Variants in MACF1 observed in about 807,000 individuals in gnomAD.
MACF1 encodes the protein microtubule actin crosslinking factor 1.
MACF1 carries 193 observed loss-of-function variants against 854.8 expected under a neutral mutation model. That is an observed-to-expected ratio of 0.23 (90% CI 0.20 to 0.25). The LOEUF is 0.25. Ranked by LOEUF, MACF1 falls within the 10% of genes least tolerant of loss-of-function variation. The probability of loss-of-function intolerance (pLI) is 1.00; values close to 1 mark genes in which losing one functional copy is unlikely to be tolerated. For synonymous variants in MACF1, 3,185 were observed against 3,226.7 expected, an observed-to-expected ratio of 0.99 and a Z score of 0.44; for missense variants, 7,722 against 8,929.1, an observed-to-expected ratio of 0.86 and a Z score of 5.45.
chr1:39,299,982 A>C (rs1646006445), intron 21 of MACF1, among the ~76,000 whole-genome samples: 1 of 152,230 alleles, frequency 6.6e-6, no homozygotes, highest in East Asian at 1.9e-4. Flanking sequence ...AAAGTGGCAC[A>C]GGGAGAAAGC....
At chr1:39,368,335 G>C (rs201154093) in intron 50 of MACF1, 21 bp downstream of exon 50, 436 of 1,604,338 alleles carry the variant, frequency 2.7e-4, no homozygotes, top group Non-Finnish European at 3.6e-4. Flanking sequence ...ACTTGTGTTG[G>C]TCAGCATTGG....
In MACF1 at chr1:39,337,214, T is replaced by C; in HGVS notation, c.10098T>C (p.His3366=). Residue 3366 remains histidine (H), a synonymous_variant, in exon 38 of 101, where the codon CAT becomes CAC. Transcript: ENST00000564288. ...TTACCCGGCAACTCTGTTTAGAACA[T>C]GATGAAAAGCTAGTATCCTATCTGT... The part of the protein sequence containing the change: ...NVFTRQLCLE[H]DEKLVSYLSL... 1 of 1,613,884 alleles carries C rather than the reference T, an allele frequency of 6.2e-7. No individual in the cohort carries two copies.
intron 49 of MACF1, among the ~76,000 whole-genome samples, chr1:39,362,468 C>T (rs940680996): frequency 1.3e-5 from 2 of 152,270 alleles, no homozygotes; most frequent in African/African-American, 4.8e-5. Context: ...TCACCAGTTG[C>T]TAATTGTTTT....
At chr1:39,353,498 T>A (rs958057033) in intron 44 of MACF1, among the ~76,000 whole-genome samples, 1 of 152,208 alleles carries the variant, frequency 6.6e-6, no homozygotes, top group African/African-American at 2.4e-5. Context: ...CTAGGCCCTC[T>A]TTTTATCTTT....
At chr1:39,379,482 G>A (rs764413954) in intron 54 of MACF1, 38 bp downstream of exon 54, 152 of 1,577,950 alleles carry the variant, frequency 9.6e-5, no homozygotes, top group Non-Finnish European at 1.2e-4. Flanking sequence ...AACACCAAGA[G>A]GAAGAGACAG....
chr1:39,414,948 T>C (rs1643229858), intron 58 of MACF1, among the ~76,000 whole-genome samples: 1 of 152,210 alleles, frequency 6.6e-6, no homozygotes, highest in Admixed American at 6.5e-5. Context: ...GTTTCCTGTT[T>C]CTTCATTTGT....
At chr1:39,190,187 T>G (rs1231293905) in intron 2 of MACF1, among the ~76,000 whole-genome samples, 2 of 152,150 alleles carry the variant, frequency 1.3e-5, no homozygotes, top group African/African-American at 4.8e-5. Context: ...TCATTCTTGT[T>G]GAAAATTTTT....
In MACF1 at chr1:39,310,192, G is replaced by A. The variant is rs906882756; in HGVS notation, c.2917-53G>A. On this transcript the variant is annotated intron_variant, in intron 24 of 100. Transcript: ENST00000564288. ...TACTTCAGTAAAATGGAGGAAAAGA[G>A]GAAGTGTTACATTTTTATTCTGTTG... 2.1e-6 allele frequency: 3 copies of A among 1,409,862 alleles called. No individual in the cohort carries two copies. In the African/African-American group the frequency reaches 4.3e-5, roughly 20 times the overall value. The allele number at this position is 1,409,862 out of a possible 1,614,324, so 87.3% of individuals were successfully genotyped here.
chr1:39,480,241 A>G, intron 98 of MACF1: 1 of 496,940 alleles, frequency 2.0e-6, no homozygotes, highest in Non-Finnish European at 3.6e-6. Flanking sequence ...TAAAATATGC[A>G]CTCAGCCTGG....
intron 6 of MACF1, among the ~76,000 whole-genome samples, chr1:39,258,429 T>C (rs920561169): frequency 2.0e-5 from 3 of 152,152 alleles, no homozygotes; most frequent in Non-Finnish European, 4.4e-5. Flanking sequence ...AATGTAGACT[T>C]TTTCTCATCT....
intron 36 of MACF1, among the ~76,000 whole-genome samples, chr1:39,330,953 C>T (rs1475474307): frequency 6.6e-6 from 1 of 152,016 alleles, no homozygotes; most frequent in East Asian, 1.9e-4. Flanking sequence ...AGGTGCGCAC[C>T]ACACCCAGCT....
chr1:39,332,991 C>T lies in MACF1; in HGVS notation c.6403C>T (p.Pro2135Ser). Residue 2135 changes from proline to serine, a missense_variant, in exon 37 of 101, where the codon CCT becomes TCT. Coordinates refer to ENST00000564288, the MANE Select transcript of MACF1 (RefSeq NM_001394062.1). Reference sequence around the variant, plus strand: ...CAGCAGGGGACACCTCCTGACCATACCTCCTGCTGAGGCGGAAGGTGTGCC... The same window carrying T: ...CAGCAGGGGACACCTCCTGACCATATCTCCTGCTGAGGCGGAAGGTGTGCC... ...NASRGHLLTI[P>S]PAEAEGVPLV... 6.2e-7 allele frequency: 1 copy of T among 1,614,124 alleles called. No homozygotes were observed.
Position 39,460,111 on chromosome 1 carries a change from A to G in MACF1, c.21361-521A>G, listed in dbSNP as rs1644524588. On this transcript the variant is annotated intron_variant, in intron 91 of 100. Transcript: ENST00000564288. This position sits in a 1 kb window ranked among gnomAD's most constrained non-coding sequence, Gnocchi z 4.1. Reference sequence around the variant, plus strand: ...CAATTTGCTCTCTGGTGCCATTCCAAAGAAACATGCTTGGATACAACATTG... The same window carrying G: ...CAATTTGCTCTCTGGTGCCATTCCAGAGAAACATGCTTGGATACAACATTG... Among the ~76,000 whole-genome samples the G allele has an allele frequency of 6.6e-6, 1 of 152,220 alleles. No individual in the cohort carries two copies. The highest frequency in any genetic ancestry group is 2.4e-5 in the African/African-American group (1 of 41,452).
At chr1:39,435,935 C>T in intron 70 of MACF1, 174 bp downstream of exon 70, 1 of 602,704 alleles carries the variant, frequency 1.7e-6, no homozygotes, top group Non-Finnish European at 2.9e-6. Flanking sequence ...GGAACATTGG[C>T]ATACTGACAT....
At position 39,290,465 on chromosome 1, in the gene MACF1, G is replaced by A. The variant is rs564231607; in HGVS notation, c.1786-1445G>A. 3.9e-5 allele frequency among the ~76,000 whole-genome samples: 6 copies of A among 152,142 alleles called. No individual in the cohort carries two copies. The South Asian group carries it at 8.3e-4, about 21-fold the overall frequency. ...AGTATAATTTGAAGTCAGGTAATGT[G>A]ATTCCTCCAGTTTTGTTCTTTTTGC... On this transcript the variant is annotated intron_variant, in intron 15 of 100. Coordinates refer to ENST00000564288, the MANE Select transcript of MACF1 (RefSeq NM_001394062.1).
At chr1:39,288,221 G>A (rs996243554) in intron 15 of MACF1, among the ~76,000 whole-genome samples, 2 of 152,080 alleles carry the variant, frequency 1.3e-5, no homozygotes, top group Admixed American at 6.6e-5. Context: ...GCTGGGTGCC[G>A]GGTGCAGTGG....
chr1:39,122,750 T>C (rs1206153774), intron 2 of MACF1, among the ~76,000 whole-genome samples: 1 of 152,032 alleles, frequency 6.6e-6, no homozygotes, highest in Non-Finnish European at 1.5e-5. Flanking sequence ...TTTGGAGAAA[T>C]GATGAGAGTA....
At chr1:39,177,391 G>C (rs1644043958) in intron 2 of MACF1, among the ~76,000 whole-genome samples, 1 of 152,146 alleles carries the variant, frequency 6.6e-6, no homozygotes, top group Non-Finnish European at 1.5e-5. Flanking sequence ...CAAAGTGCTG[G>C]CATTACAGGC....
At chr1:39,357,261 A>G in intron 44 of MACF1, 114 bp from the exon 45 acceptor site, 1 of 1,196,570 alleles carries the variant, frequency 8.4e-7, no homozygotes, top group Non-Finnish European at 1.2e-6. Flanking sequence ...TGAAAAGACC[A>G]AGGCTGAATG....
Sources: allele counts gnomAD v4.1 joint callset (sites outside exome capture counted in the v4.1 genomes callset), GRCh38; gene constraint gnomAD v4.1.1; non-coding constraint Gnocchi (gnomAD v3.1); transcripts MANE v1.5; gene names NCBI Gene and HGNC (gene_info 2026-07-23, HGNC 2026-07-21).